Variants in HADH observed in about 807,000 individuals in gnomAD.
HADH encodes the protein hydroxyacyl-CoA dehydrogenase.
A neutral mutation model predicts 32.2 loss-of-function variants in HADH; 24 were observed. The ratio of observed to expected loss-of-function variants is 0.75; its 90% CI spans 0.54 to 1.05. The LOEUF is 1.05. Among genes scored for constraint, HADH ranks in the 50% least tolerant of loss-of-function variants. The pLI, the probability that HADH is intolerant of heterozygous loss-of-function variation, is 0.00. For synonymous variants in HADH, 139 were observed against 152.5 expected, an observed-to-expected ratio of 0.91 and a Z score of 0.65; for missense variants, 350 against 397.1, an observed-to-expected ratio of 0.88 and a Z score of 1.01.
Position 108,034,247 on chromosome 4 carries a change from G to T in HADH, c.835G>T (p.Glu279Ter). 1 of 1,604,016 alleles carries T rather than the reference G, an allele frequency of 6.2e-7. No individual in the cohort carries two copies. The highest frequency in any genetic ancestry group is 8.5e-7 in the Non-Finnish European group (1 of 1,170,692). ...TTCCCTCCGCTCAATAGGGTGGCAT[G>T]AAATGGATGCAGAGAACCCATTACA... ...TTKFIVDGWH[E>*]MDAENPLHQP... Residue 279 changes from glutamate to a stop codon, truncating the protein, a stop_gained, in exon 8 of 8, where the codon GAA becomes TAA. Coordinates refer to ENST00000309522, the MANE Select transcript of HADH (RefSeq NM_005327.7). LOFTEE classifies it high-confidence loss of function.
chr4:108,027,827 G>A (rs1736116598), intron 6 of HADH, 67 bp downstream of exon 6: 2 of 938,574 alleles, frequency 2.1e-6, no homozygotes, highest in Admixed American at 1.7e-5. Flanking sequence ...GGAATTCTCA[G>A]TGTCTCTAGG....
chr4:108,012,509 C>G (rs1211872317), intron 2 of HADH, among the ~76,000 whole-genome samples: 1 of 152,168 alleles, frequency 6.6e-6, no homozygotes. Context: ...TGTCCGGTTT[C>G]TATTGGCTGG....
In HADH at chr4:108,023,565, T is replaced by TAAGA; in HGVS notation, c.636+3_636+6dup. The stretch of plus-strand genomic sequence containing the variant: ...GGAAAGCATCCTGTTTCTTGCAAGG[T>TAAGA]AAGAGTATGGGTAGCTTGGGAAGGA... On this transcript the variant is annotated splice_region_variant and intron_variant, in intron 5 of 7. Transcript: ENST00000309522. 6.5e-7 allele frequency: 1 copy of TAAGA among 1,541,726 alleles called. No homozygotes were observed. Among genetic ancestry groups the TAAGA allele is most frequent in the South Asian group, 1.1e-5 (1 of 89,642 alleles).
At chr4:108,020,052 T>A (rs1388685201) in intron 4 of HADH, among the ~76,000 whole-genome samples, 2 of 152,198 alleles carry the variant, frequency 1.3e-5, no homozygotes, top group Non-Finnish European at 2.9e-5. Flanking sequence ...TAAATGCAGT[T>A]CTCATTAGAT....
chr4:108,004,987 T>C, intron 1 of HADH: 2 of 1,130,272 alleles, frequency 1.8e-6, no homozygotes, highest in Middle Eastern at 4.0e-4. Context: ...GAAGTGATAA[T>C]ACTGTATTCA....
intron 2 of HADH, among the ~76,000 whole-genome samples, chr4:108,013,382 G>T (rs2126228704): frequency 6.6e-6 from 1 of 152,232 alleles, no homozygotes; most frequent in East Asian, 1.9e-4. Flanking sequence ...TTTTCTGCTT[G>T]TTTACAGACT....
intron 1 of HADH, among the ~76,000 whole-genome samples, chr4:108,000,463 C>T (rs1249488625): frequency 6.6e-6 from 1 of 152,100 alleles, no homozygotes; most frequent in Non-Finnish European, 1.5e-5. Context: ...AGTCTATAAC[C>T]AGTTAAGTTT....
At chr4:108,025,209 T>C (rs764600466) in intron 5 of HADH, 1 of 152,248 alleles carries the variant, frequency 6.6e-6, no homozygotes, top group Non-Finnish European at 1.5e-5. Context: ...GCTACAGTAT[T>C]GTACTTTACC....
intron 5 of HADH, 121 bp from the exon 6 acceptor site, chr4:108,027,567 T>C (rs1736107871): frequency 1.3e-6 from 1 of 757,094 alleles, no homozygotes; most frequent in Non-Finnish European, 2.4e-6. Flanking sequence ...TTTGAAAATG[T>C]ACAGCTTGAT....
At chr4:107,991,758 G>A (rs992015258) in intron 1 of HADH, among the ~76,000 whole-genome samples, 13 of 152,198 alleles carry the variant, frequency 8.5e-5, no homozygotes, top group African/African-American at 3.1e-4. Context: ...TCCCAAGGCT[G>A]TGAGAGTGAG....
At position 107,989,977 on chromosome 4, in the gene HADH, G is replaced by T. The variant is rs749983874; in HGVS notation, c.45G>T (p.Ser15=). The change falls in exon 1 of 8, where the codon TCG becomes TCT. Residue 15 remains serine (S), a synonymous_variant. Transcript: ENST00000309522. Reference sequence around the variant, plus strand: ...AGTTCATGCGTTCCGTGTCCTCCTCGTCCACCGCCTCGGCCTCGGCCAAGA... The same window carrying T: ...AGTTCATGCGTTCCGTGTCCTCCTCTTCCACCGCCTCGGCCTCGGCCAAGA... ...TRQFMRSVSS[S]STASASAKKI... 1 of 1,612,868 alleles carries T rather than the reference G, an allele frequency of 6.2e-7. No homozygotes were observed. The highest frequency in any genetic ancestry group is 8.5e-7 in the Non-Finnish European group (1 of 1,179,600).
chr4:108,015,815 G>A (rs1349200499), intron 3 of HADH, among the ~76,000 whole-genome samples: 2 of 152,096 alleles, frequency 1.3e-5, no homozygotes, highest in African/African-American at 2.4e-5. Flanking sequence ...ATTTCACACT[G>A]GCATCTAGAG....
intron 4 of HADH, among the ~76,000 whole-genome samples, chr4:108,021,052 C>T (rs1402699071): frequency 1.3e-5 from 2 of 151,930 alleles, no homozygotes; most frequent in Non-Finnish European, 2.9e-5. Flanking sequence ...CCTATTTTCT[C>T]CTATCCCCTA....
intron 1 of HADH, among the ~76,000 whole-genome samples, chr4:108,002,079 G>A (rs998490277): frequency 6.6e-6 from 1 of 152,118 alleles, no homozygotes; most frequent in Non-Finnish European, 1.5e-5. Context: ...GAACAGCTTA[G>A]TGCCATTTAA....
intron 4 of HADH, 31 bp from the exon 5 acceptor site, chr4:108,023,443 C>T (rs770052488): frequency 7.4e-7 from 1 of 1,358,390 alleles, no homozygotes; most frequent in South Asian, 1.2e-5. Flanking sequence ...TGCTGACACT[C>T]TGGTCATAAT....
At chr4:108,004,264 A>G (rs1735215606) in intron 1 of HADH, among the ~76,000 whole-genome samples, 1 of 152,228 alleles carries the variant, frequency 6.6e-6, no homozygotes, top group African/African-American at 2.4e-5. Flanking sequence ...CAGTCAGTGA[A>G]GGAATGAATG....
chr4:108,006,402 G>A (rs536454643), intron 1 of HADH, among the ~76,000 whole-genome samples: 67 of 152,258 alleles, frequency 4.4e-4, no homozygotes, highest in African/African-American at 1.5e-3. Context: ...TTTAAAAATA[G>A]CAATGACTAG....
Position 108,009,822 on chromosome 4 carries a change from T to C in HADH, c.196T>C (p.Ser66Pro). 7 of 1,611,956 alleles carry C rather than the reference T, an allele frequency of 4.3e-6. No individual in the cohort carries two copies. Among genetic ancestry groups the C allele is most frequent in the Non-Finnish European group, 5.9e-6 (7 of 1,178,190 alleles). Reference protein sequence around the residue: ...VDQTEDILAKSKKGIEESLRK... With the variant: ...VDQTEDILAKPKKGIEESLRK... ...CCAGACAGAGGACATCCTGGCAAAA[T>C]CCAAAAAGGGAATTGAGGAAAGCCT... is the stretch of plus-strand genomic sequence containing the variant. The change falls in exon 2 of 8, where the codon TCC (serine) becomes CCC (proline). Residue 66 changes from serine to proline, a missense_variant. Physicochemically the swap from Ser to Pro is moderately conservative, Grantham distance 74 (BLOSUM62 -1). Transcript: ENST00000309522.
At chr4:107,995,101 C>G (rs915554413) in intron 1 of HADH, among the ~76,000 whole-genome samples, 1 of 152,110 alleles carries the variant, frequency 6.6e-6, no homozygotes, top group Admixed American at 6.5e-5. Context: ...TCTAGTTCTC[C>G]TGGGACCACA....
Sources: allele counts gnomAD v4.1 joint callset (sites outside exome capture counted in the v4.1 genomes callset), GRCh38; gene constraint gnomAD v4.1.1; transcripts MANE v1.5; gene names NCBI Gene and HGNC (gene_info 2026-07-23, HGNC 2026-07-21).